Variants in FERRY3 observed in about 807,000 individuals in gnomAD.
FERRY3 encodes the protein protein C12orf4.
the FERRY3 span, among the ~76,000 whole-genome samples, chr12:4,520,136 C>G: frequency 6.6e-6 from 1 of 152,182 alleles, no homozygotes; most frequent in Non-Finnish European, 1.5e-5. Context: ...TTAACAGATT[C>G]TTGAAGGCCA....
the FERRY3 span, chr12:4,489,852 C>CTGGG: frequency 6.2e-7 from 1 of 1,611,446 alleles, no homozygotes; most frequent in Non-Finnish European, 8.5e-7. Context: ...CTCGGAAGAT[C>CTGGG]TGGGGAAGCA....
the FERRY3 span, among the ~76,000 whole-genome samples, chr12:4,505,545 C>G: frequency 1.6e-4 from 25 of 152,340 alleles, no homozygotes; most frequent in African/African-American, 5.1e-4. Context: ...TTAATTCTTA[C>G]AAAACCTCTA....
chr12:4,536,137 T>C, the FERRY3 span: 2 of 1,604,226 alleles, frequency 1.2e-6, no homozygotes, highest in Non-Finnish European at 1.7e-6. Flanking sequence ...CTTCCTACTT[T>C]AAATTTATAT....
chr12:4,492,326 A>C, the FERRY3 span, among the ~76,000 whole-genome samples: 3 of 152,294 alleles, frequency 2.0e-5, no homozygotes, highest in South Asian at 6.2e-4. Context: ...CTGTCTCTGC[A>C]TTCAATCTGT....
the FERRY3 span, chr12:4,500,421 T>C: frequency 7.9e-7 from 1 of 1,261,372 alleles, no homozygotes; most frequent in South Asian, 1.3e-5. Context: ...GTAAGTGTAA[T>C]GGGCAATCAA....
chr12:4,535,275 C>G, the FERRY3 span, among the ~76,000 whole-genome samples: 7 of 152,346 alleles, frequency 4.6e-5, no homozygotes, highest in African/African-American at 1.7e-4. The surrounding 1 kb of genome is among the most constrained non-coding windows in gnomAD (Gnocchi z 4.0). Flanking sequence ...CTGCCACATG[C>G]TACCCTAGTT....
the FERRY3 span, among the ~76,000 whole-genome samples, chr12:4,527,505 T>C: frequency 4.5e-3 from 680 of 152,280 alleles, 4 homozygotes; most frequent in African/African-American, 0.015. Flanking sequence ...ATAACTTGTA[T>C]TATTGATGCT....
chr12:4,522,766 A>T, the FERRY3 span, among the ~76,000 whole-genome samples: 3 of 152,388 alleles, frequency 2.0e-5, no homozygotes, highest in African/African-American at 7.2e-5. Flanking sequence ...AAAATCTGGA[A>T]ATATCCAACA....
the FERRY3 span, chr12:4,534,390 T>A: frequency 7.2e-7 from 1 of 1,394,614 alleles, no homozygotes; most frequent in African/African-American, 1.5e-5. Flanking sequence ...CAATGTGAAA[T>A]CTTATTGTTA....
chr12:4,518,761 T>A, the FERRY3 span: 1 of 1,434,060 alleles, frequency 7.0e-7, no homozygotes, highest in Non-Finnish European at 9.6e-7. Flanking sequence ...TGCAAAAAAA[T>A]TAACACACTT....
chr12:4,528,939 AAAC>A, the FERRY3 span, among the ~76,000 whole-genome samples: 164 of 124,506 alleles, frequency 1.3e-3, 1 homozygote, highest in African/African-American at 4.2e-3. Flanking sequence ...ACACACACAC[AAAC>A]AAAAGTGATT....
chr12:4,507,532 T>C, the FERRY3 span, among the ~76,000 whole-genome samples: 1 of 152,186 alleles, frequency 6.6e-6, no homozygotes, highest in Non-Finnish European at 1.5e-5. Flanking sequence ...GAATTATCTT[T>C]AGGAATCTCT....
chr12:4,537,263 C>T, the FERRY3 span, among the ~76,000 whole-genome samples: 1 of 152,210 alleles, frequency 6.6e-6, no homozygotes, highest in Non-Finnish European at 1.5e-5. Context: ...CTTCAGGTCT[C>T]AGTTAAGCCT....
the FERRY3 span, among the ~76,000 whole-genome samples, chr12:4,510,790 C>T: frequency 6.8e-6 from 1 of 147,228 alleles, no homozygotes; most frequent in Non-Finnish European, 1.5e-5. Flanking sequence ...GCTGCAAAAT[C>T]ATGCCAAAAT....
chr12:4,505,387 A>G, the FERRY3 span: 1 of 1,571,002 alleles, frequency 6.4e-7, no homozygotes, highest in Non-Finnish European at 8.7e-7. Flanking sequence ...GAATCTATTC[A>G]TAAGACAATG....
the FERRY3 span, among the ~76,000 whole-genome samples, chr12:4,514,043 T>G: frequency 3.1e-3 from 457 of 149,168 alleles, 1 homozygote; most frequent in Non-Finnish European, 5.7e-3. Context: ...CAAACAAATT[T>G]ACAAGAAAAA....
the FERRY3 span, among the ~76,000 whole-genome samples, chr12:4,503,303 TAGCAC>T: frequency 6.6e-6 from 1 of 152,242 alleles, no homozygotes. Context: ...ATGTGATTTC[TAGCAC>T]ATTGGCTGAG....
chr12:4,499,331 G>A, the FERRY3 span, among the ~76,000 whole-genome samples: 2 of 152,132 alleles, frequency 1.3e-5, no homozygotes, highest in African/African-American at 4.8e-5. Flanking sequence ...CTCAAAATAA[G>A]CAGGCACAGA....
At chr12:4,514,340 T>A in the FERRY3 span, among the ~76,000 whole-genome samples, 1 of 151,226 alleles carries the variant, frequency 6.6e-6, no homozygotes, top group African/African-American at 2.5e-5. Flanking sequence ...AGTGTGGCGA[T>A]TCCTCAGGTA....
Sources: gnomAD v4.1 joint callset for allele counts (sites outside exome capture counted in the v4.1 genomes callset) on GRCh38, gnomAD v4.1.1 for gene constraint, Gnocchi (gnomAD v3.1) non-coding constraint, MANE v1.5 for transcripts, NCBI Gene and HGNC (gene_info 2026-07-23, HGNC 2026-07-21) for gene names.